The following CCDC178 variants were observed in gnomAD, a reference collection of about 807,000 sequenced individuals.
CCDC178 encodes the protein coiled-coil domain containing 178, also known as coiled-coil domain-containing protein 178.
Under a neutral mutation model 117.4 loss-of-function variants are expected in CCDC178, and 126 were observed. That is an observed-to-expected ratio of 1.07 (90% CI 0.93 to 1.24). The LOEUF (loss-of-function observed/expected upper bound fraction) is 1.24, where lower values mean the gene tolerates loss of function less well. Ranked by LOEUF, CCDC178 falls within the 50% of genes most tolerant of loss-of-function variation. The probability of loss-of-function intolerance (pLI) is 0.00; values close to 1 mark genes in which losing one functional copy is unlikely to be tolerated. For synonymous variants in CCDC178, 283 were observed against 313.4 expected (o/e 0.90, Z 1.02); for missense variants, 1,030 against 986.9 (o/e 1.04, Z -0.59).
intron 20 of CCDC178, among the ~76,000 whole-genome samples, chr18:33,195,126 AAAGAGAG>A (rs924151638): frequency 2.8e-5 from 4 of 144,998 alleles, no homozygotes; most frequent in Non-Finnish European, 6.0e-5. Context: ...CTTAAAAAAA[AAAGAGAG>A]AGAGAGAGAG....
intron 21 of CCDC178, chr18:32,983,193 A>G: frequency 1.3e-6 from 1 of 762,546 alleles, no homozygotes. Flanking sequence ...GAGTAGGTAC[A>G]TGGTGGTGAC....
At chr18:33,100,607 T>G (rs2057611240) in intron 20 of CCDC178, among the ~76,000 whole-genome samples, 1 of 152,010 alleles carries the variant, frequency 6.6e-6, no homozygotes, top group Non-Finnish European at 1.5e-5. Flanking sequence ...TCAACTGATT[T>G]CTGGAGATAT....
chr18:33,243,645 T>C (rs976346561), intron 15 of CCDC178, among the ~76,000 whole-genome samples: 6 of 151,942 alleles, frequency 3.9e-5, no homozygotes, highest in Non-Finnish European at 8.8e-5. Flanking sequence ...TTCTATTTTA[T>C]GGTATCAAAA....
chr18:32,957,553 G>A (rs2054619956), intron 22 of CCDC178, among the ~76,000 whole-genome samples: 2 of 152,214 alleles, frequency 1.3e-5, no homozygotes, highest in African/African-American at 4.8e-5. Context: ...ATATTAGGGA[G>A]CCTTACCTTC....
intron 11 of CCDC178, among the ~76,000 whole-genome samples, chr18:33,298,049 A>G (rs1433368695): frequency 1.3e-5 from 2 of 152,152 alleles, no homozygotes; most frequent in Non-Finnish European, 2.9e-5. Flanking sequence ...TGAAAAAAAA[A>G]AAAAGAAGTA....
chr18:32,959,522 T>C (rs1383390671), intron 22 of CCDC178, among the ~76,000 whole-genome samples: 1 of 152,172 alleles, frequency 6.6e-6, no homozygotes, highest in South Asian at 2.1e-4. Context: ...TGGTCTATGA[T>C]AGACTTGGCA....
At chr18:32,948,918 G>C (rs8099441) in intron 22 of CCDC178, among the ~76,000 whole-genome samples, 3 of 151,976 alleles carry the variant, frequency 2.0e-5, no homozygotes. Flanking sequence ...TTCATTTAAC[G>C]TTTCTTGTAG....
intron 11 of CCDC178, among the ~76,000 whole-genome samples, chr18:33,299,217 T>C (rs1020287477): frequency 3.9e-5 from 6 of 152,074 alleles, no homozygotes; most frequent in African/African-American, 1.4e-4. Context: ...AAAGCTGTTA[T>C]ATCCAAAACA....
At chr18:33,064,275 G>T (rs186595340) in intron 21 of CCDC178, among the ~76,000 whole-genome samples, 2 of 152,148 alleles carry the variant, frequency 1.3e-5, no homozygotes, top group African/African-American at 4.8e-5. Flanking sequence ...ACATACAAGA[G>T]AACATAAGTA....
At chr18:33,403,895 T>C (rs747909604) in intron 3 of CCDC178, among the ~76,000 whole-genome samples, 3 of 152,180 alleles carry the variant, frequency 2.0e-5, no homozygotes, top group Admixed American at 1.3e-4. Context: ...GTTCTCACAG[T>C]TGAAATTTGA....
At chr18:33,060,311 G>A (rs1419691893) in intron 21 of CCDC178, among the ~76,000 whole-genome samples, 5 of 151,982 alleles carry the variant, frequency 3.3e-5, no homozygotes, top group African/African-American at 4.8e-5. Flanking sequence ...GAATTTCCAT[G>A]TAATACCCTA....
intron 20 of CCDC178, among the ~76,000 whole-genome samples, chr18:33,107,398 A>T (rs1466905324): frequency 1.3e-5 from 2 of 151,624 alleles, no homozygotes; most frequent in African/African-American, 2.4e-5. Context: ...GACTTTAGAG[A>T]GTCTGGACCA....
intron 11 of CCDC178, among the ~76,000 whole-genome samples, chr18:33,320,015 A>G (rs925221132): frequency 3.3e-5 from 5 of 152,234 alleles, no homozygotes; most frequent in African/African-American, 1.2e-4. Flanking sequence ...CAATAGATGC[A>G]GAAAAGGCCT....
At chr18:33,210,316 G>A (rs1018872976) in intron 20 of CCDC178, among the ~76,000 whole-genome samples, 6 of 151,890 alleles carry the variant, frequency 4.0e-5, no homozygotes, top group Non-Finnish European at 8.8e-5. Flanking sequence ...AAAAAATCAT[G>A]AGACCATATA....
chr18:33,183,494 G>T (rs537180621), intron 20 of CCDC178, among the ~76,000 whole-genome samples: 18 of 151,922 alleles, frequency 1.2e-4, no homozygotes, highest in Non-Finnish European at 2.5e-4. Flanking sequence ...ATTTAAATGA[G>T]CCCCTTTAAC....
At chr18:33,145,541 T>A (rs546740734) in intron 20 of CCDC178, among the ~76,000 whole-genome samples, 2 of 152,202 alleles carry the variant, frequency 1.3e-5, no homozygotes, top group South Asian at 2.1e-4. Flanking sequence ...GCAAAATTTT[T>A]AAAATTATAA....
At chr18:33,204,740 T>G (rs903703247) in intron 20 of CCDC178, among the ~76,000 whole-genome samples, 1 of 152,172 alleles carries the variant, frequency 6.6e-6, no homozygotes, top group Non-Finnish European at 1.5e-5. Context: ...TGGGAGAGGT[T>G]ATAGTTAAAA....
At chr18:33,194,900 CAAA>C (rs530764182) in intron 20 of CCDC178, among the ~76,000 whole-genome samples, 30 of 56,114 alleles carry the variant, frequency 5.3e-4, no homozygotes, top group Middle Eastern at 0.015. Flanking sequence ...TCTGTTTCTA[CAAA>C]AAAAAAAAAA....
intron 21 of CCDC178, among the ~76,000 whole-genome samples, chr18:33,053,855 G>A (rs2056784958): frequency 1.3e-5 from 2 of 151,938 alleles, no homozygotes; most frequent in Non-Finnish European, 2.9e-5. Flanking sequence ...TTTTTGTTTT[G>A]AAATTGTATT....
Sources: allele counts gnomAD v4.1 joint callset (sites outside exome capture counted in the v4.1 genomes callset), GRCh38; gene constraint gnomAD v4.1.1; transcripts MANE v1.5; gene names NCBI Gene and HGNC (gene_info 2026-07-23, HGNC 2026-07-21).